CRACD: variants seen among roughly 807,000 people sequenced by gnomAD.
The protein encoded by CRACD is capping protein inhibiting regulator of actin dynamics.
A neutral mutation model predicts 106.8 loss-of-function variants in CRACD; 56 were observed. That is an observed-to-expected ratio of 0.52 (90% confidence interval 0.42 to 0.66). The LOEUF is 0.66. Ranked by LOEUF, CRACD falls within the 30% of genes least tolerant of loss-of-function variation. The pLI, the probability that CRACD is intolerant of heterozygous loss-of-function variation, is 0.00. For synonymous variants in CRACD, 754 were observed against 670.8 expected (o/e 1.12, Z -1.92); for missense variants, 1,730 against 1,623.2 (o/e 1.07, Z -1.13).
At chr4:56,222,810 A>ACAAAAC (rs1208498636) in intron 2 of CRACD, among the ~76,000 whole-genome samples, 1 of 151,520 alleles carries the variant, frequency 6.6e-6, no homozygotes, top group Non-Finnish European at 1.5e-5. Flanking sequence ...AAAAACAAAA[A>ACAAAAC]AGCACCGCAA....
Position 56,315,280 on chromosome 4 carries a change from A to C in CRACD, c.1778A>C (p.His593Pro). Residue 593 changes from histidine (H) to proline (P), a missense_variant, in exon 8 of 11, where the codon CAC becomes CCC. Coordinates refer to ENST00000682029, the MANE Select transcript of CRACD (RefSeq NM_001393381.1). The surrounding 1 kb of genome is among the most constrained non-coding windows in gnomAD (Gnocchi z 4.1). ...CTACCGTCGTCCCTGAGCGTTCCCCACACCGCCATTCTGGTCACGGGCGCG... is the reference window on the plus strand; with the variant it reads ...CTACCGTCGTCCCTGAGCGTTCCCCCCACCGCCATTCTGGTCACGGGCGCG... Reference protein sequence around the residue: ...HALPSSLSVPHTAILVTGAQL... With the variant: ...HALPSSLSVPPTAILVTGAQL... 2 of 1,612,858 alleles carry C rather than the reference A, an allele frequency of 1.2e-6. No homozygotes were observed. Among genetic ancestry groups the C allele is most frequent in the Non-Finnish European group, 1.7e-6 (2 of 1,179,642 alleles).
intron 1 of CRACD, among the ~76,000 whole-genome samples, chr4:56,076,189 A>T (rs1374700375): frequency 6.6e-6 from 1 of 152,170 alleles, no homozygotes; most frequent in Admixed American, 6.5e-5. Flanking sequence ...ACACACACAG[A>T]GGGAAAGACC....
At chr4:56,077,332 C>A (rs913217882) in intron 1 of CRACD, among the ~76,000 whole-genome samples, 1 of 152,158 alleles carries the variant, frequency 6.6e-6, no homozygotes, top group African/African-American at 2.4e-5. Context: ...TGGGGGAAAC[C>A]GATTCAGTTC....
intron 2 of CRACD, among the ~76,000 whole-genome samples, chr4:56,182,639 G>T (rs1442263398): frequency 2.0e-5 from 3 of 152,078 alleles, no homozygotes; most frequent in African/African-American, 7.2e-5. Flanking sequence ...TGCAGTCCCT[G>T]TCCAAATTGC....
intron 8 of CRACD, among the ~76,000 whole-genome samples, chr4:56,323,010 G>A (rs528885331): frequency 6.6e-6 from 1 of 152,308 alleles, no homozygotes; most frequent in African/African-American, 2.4e-5. Context: ...CTGGGTGACA[G>A]TTCAAAACTC....
At chr4:56,075,619 T>C (rs1036167385) in intron 1 of CRACD, among the ~76,000 whole-genome samples, 1 of 152,078 alleles carries the variant, frequency 6.6e-6, no homozygotes, top group Non-Finnish European at 1.5e-5. Flanking sequence ...GGTTACTCCC[T>C]CCCCCAAACC....
intron 2 of CRACD, among the ~76,000 whole-genome samples, chr4:56,213,314 C>T (rs978022798): frequency 7.9e-5 from 12 of 152,054 alleles, no homozygotes; most frequent in East Asian, 1.9e-4. Context: ...GTCGTAGTGG[C>T]GTATGCCTGT....
At chr4:56,068,822 G>A (rs1267614414) in intron 1 of CRACD, among the ~76,000 whole-genome samples, 2 of 152,160 alleles carry the variant, frequency 1.3e-5, no homozygotes, top group African/African-American at 4.8e-5. Flanking sequence ...GTGGTGGGCT[G>A]AAGAGTGACC....
intron 2 of CRACD, among the ~76,000 whole-genome samples, chr4:56,258,502 A>G: frequency 6.6e-6 from 1 of 152,236 alleles, no homozygotes; most frequent in East Asian, 1.9e-4. Context: ...CTTGTCTCAG[A>G]TACTTTTTGG....
At position 56,314,499 on chromosome 4, in the gene CRACD, C is replaced by T. The variant is rs1745399630; in HGVS notation, c.997C>T (p.Arg333Trp). Residue 333 changes from arginine (R) to tryptophan (W), a missense_variant, in exon 8 of 11, where the codon CGG becomes TGG. Around this residue, in one of 5 missense-constraint regions of CRACD, gnomAD observed 1,620 missense variants for 1,481.6 expected, o/e 1.09. Transcript: ENST00000682029. The surrounding 1 kb of genome is among the most constrained non-coding windows in gnomAD (Gnocchi z 4.4). ...GGCCCAGGCCCAAGCGGAGGAGAGG[C>T]GGCGGCTGGAGGAGGACGCCAGGCT... The part of the protein sequence containing the change: ...LQAQAQAEER[R>W]RLEEDARLEE... 6.6e-6 allele frequency: 10 copies of T among 1,517,854 alleles called. No homozygotes were observed. The highest frequency in any genetic ancestry group is 2.3e-4 in the Middle Eastern group (1 of 4,260). The allele number at this position is 1,517,854 out of a possible 1,614,324, so 94.0% of individuals were successfully genotyped here. A position where few individuals can be genotyped will look rare whatever the true frequency, so the allele number is the denominator to read the frequency against.
intron 3 of CRACD, among the ~76,000 whole-genome samples, chr4:56,291,622 T>C (rs1287378205): frequency 6.6e-6 from 1 of 152,172 alleles, no homozygotes; most frequent in Non-Finnish European, 1.5e-5. Context: ...AGATTTAATA[T>C]TAGATTTAAT....
intron 2 of CRACD, among the ~76,000 whole-genome samples, chr4:56,210,765 T>G (rs540106488): frequency 3.3e-5 from 5 of 152,224 alleles, no homozygotes; most frequent in Non-Finnish European, 5.9e-5. Flanking sequence ...GCCAGTTAGA[T>G]GAGTTAAAGG....
intron 2 of CRACD, among the ~76,000 whole-genome samples, chr4:56,241,450 C>G (rs62310583): frequency 3.9e-4 from 59 of 151,710 alleles, no homozygotes; most frequent in Admixed American, 9.2e-4. Context: ...GGTGAATTAC[C>G]CCTCCCAATT....
chr4:56,095,268 C>T (rs1455669667), intron 1 of CRACD, among the ~76,000 whole-genome samples: 1 of 152,194 alleles, frequency 6.6e-6, no homozygotes, highest in Non-Finnish European at 1.5e-5. Context: ...GGAAGACTTG[C>T]TTGAGCCCGG....
intron 2 of CRACD, among the ~76,000 whole-genome samples, chr4:56,198,150 A>G (rs1317771565): frequency 6.6e-6 from 1 of 152,188 alleles, no homozygotes; most frequent in Non-Finnish European, 1.5e-5. Context: ...AAAGGAGTTG[A>G]TCTCTTATTT....
intron 2 of CRACD, among the ~76,000 whole-genome samples, chr4:56,259,762 A>G (rs59824589): frequency 0.51 from 76,984 of 151,858 alleles, 19,926 homozygotes; most frequent in East Asian, 0.84. Flanking sequence ...CTGCCTCTCA[A>G]TCAACAGGCA....
intron 3 of CRACD, among the ~76,000 whole-genome samples, chr4:56,290,081 A>C (rs1743619103): frequency 6.6e-6 from 1 of 152,200 alleles, no homozygotes; most frequent in Non-Finnish European, 1.5e-5. Flanking sequence ...GTTTACTCGT[A>C]GAGACTCACT....
chr4:56,195,442 A>G (rs1299169638), intron 2 of CRACD, among the ~76,000 whole-genome samples: 1 of 150,648 alleles, frequency 6.6e-6, no homozygotes, highest in Non-Finnish European at 1.5e-5. Flanking sequence ...AAGAAAGACT[A>G]AAAAAAAATG....
intron 2 of CRACD, among the ~76,000 whole-genome samples, chr4:56,254,832 C>T (rs1159164024): frequency 2.6e-5 from 4 of 151,624 alleles, no homozygotes; most frequent in East Asian, 1.9e-4. Context: ...CAGCTGGCCG[C>T]GGTGGCTCAC....
Sources: allele counts gnomAD v4.1 joint callset (sites outside exome capture counted in the v4.1 genomes callset), GRCh38; gene constraint gnomAD v4.1.1; regional missense constraint gnomAD v4.1.1; non-coding constraint Gnocchi (gnomAD v3.1); transcripts MANE v1.5; gene names NCBI Gene and HGNC (gene_info 2026-07-23, HGNC 2026-07-21).